COL8A1: variants seen among roughly 807,000 people sequenced by gnomAD.
COL8A1 encodes the protein collagen alpha-1(VIII) chain.
A neutral mutation model predicts 42.7 loss-of-function variants in COL8A1; 21 were observed. That is an observed-to-expected ratio of 0.49 (90% CI 0.35 to 0.71). The LOEUF (loss-of-function observed/expected upper bound fraction) is 0.71, where lower values mean the gene tolerates loss of function less well. COL8A1 is among the 30% of genes least tolerant of loss of function. The pLI is 0.01. For synonymous variants in COL8A1, 367 were observed against 369.1 expected, an observed-to-expected ratio of 0.99 and a Z score of 0.06; for missense variants, 788 against 962.4, an observed-to-expected ratio of 0.82 and a Z score of 2.40.
At position 99,665,848 on chromosome 3, in the gene COL8A1, A is replaced by AT. The variant is rs537279334; in HGVS notation, c.-129+27202dup. Among the ~76,000 whole-genome samples the AT allele has an allele frequency of 9.1e-3, 1,225 of 134,276 alleles. 8 individuals are homozygous for AT. Among genetic ancestry groups the AT allele is most frequent in the Middle Eastern group, 0.019 (5 of 260 alleles). 88.1% of individuals were successfully genotyped at this position (134,276 alleles called of 152,430 possible). ...AGGTGCCCGCTGCCACACTTAGCTA[A>AT]TTTTTTTTTTTTTTTTTTACTTAGT... On this transcript the variant is annotated intron_variant, in intron 1 of 3. Transcript: ENST00000652472.
intron 1 of COL8A1, among the ~76,000 whole-genome samples, chr3:99,688,686 ACTT>A (rs1241104720): frequency 6.6e-6 from 1 of 152,166 alleles, no homozygotes; most frequent in Non-Finnish European, 1.5e-5. Flanking sequence ...TATTATTATT[ACTT>A]CATCTCTGAA....
intron 1 of COL8A1, among the ~76,000 whole-genome samples, chr3:99,653,354 G>A (rs978461590): frequency 6.6e-6 from 1 of 152,058 alleles, no homozygotes; most frequent in Non-Finnish European, 1.5e-5. Context: ...CTATTTATGG[G>A]CTGATTGACA....
At chr3:99,654,497 G>T (rs1350016043) in intron 1 of COL8A1, among the ~76,000 whole-genome samples, 1 of 152,160 alleles carries the variant, frequency 6.6e-6, no homozygotes, top group Non-Finnish European at 1.5e-5. Context: ...GCTCTAAGAA[G>T]CCCAATGTGT....
At chr3:99,774,824 A>C (rs2107441836) in intron 2 of COL8A1, among the ~76,000 whole-genome samples, 1 of 151,838 alleles carries the variant, frequency 6.6e-6, no homozygotes, top group African/African-American at 2.4e-5. Context: ...GCACTTGCTA[A>C]GTACTAAAAA....
At chr3:99,658,156 C>T (rs1316369329) in intron 1 of COL8A1, among the ~76,000 whole-genome samples, 1 of 151,100 alleles carries the variant, frequency 6.6e-6, no homozygotes, top group Non-Finnish European at 1.5e-5. Context: ...CTTTCAAAGA[C>T]ATTTCATAGC....
intron 1 of COL8A1, among the ~76,000 whole-genome samples, chr3:99,684,268 T>C (rs1938981208): frequency 6.6e-6 from 1 of 152,204 alleles, no homozygotes; most frequent in African/African-American, 2.4e-5. Flanking sequence ...ATTTTATATA[T>C]ATTCTCTATA....
intron 1 of COL8A1, among the ~76,000 whole-genome samples, chr3:99,677,005 C>A (rs576603648): frequency 9.1e-4 from 138 of 151,544 alleles, no homozygotes; most frequent in African/African-American, 3.2e-3. Flanking sequence ...ATCACTTAAG[C>A]CCAAGAGTTT....
intron 1 of COL8A1, among the ~76,000 whole-genome samples, chr3:99,740,316 C>A (rs1940863362): frequency 1.3e-5 from 2 of 152,190 alleles, no homozygotes; most frequent in South Asian, 4.1e-4. Context: ...CATAGCAGCA[C>A]CCCAGTACCA....
chr3:99,688,738 A>G (rs1939135139), intron 1 of COL8A1, among the ~76,000 whole-genome samples: 1 of 152,128 alleles, frequency 6.6e-6, no homozygotes, highest in South Asian at 2.1e-4. Context: ...ATTTTGTTCA[A>G]ATATGCCCAG....
intron 2 of COL8A1, among the ~76,000 whole-genome samples, chr3:99,767,643 G>A (rs1941489045): frequency 1.3e-5 from 2 of 152,188 alleles, no homozygotes; most frequent in African/African-American, 4.8e-5. Flanking sequence ...TAGGATGAAT[G>A]TTTTGCCGCA....
In COL8A1 at chr3:99,665,725, G is replaced by A. The variant is rs780946516; in HGVS notation, c.-129+27061G>A. ...AGACACAGTTTCACTCTTTTTGCCCGGGCTGGAGGGCAATGGCACAATCTC... is the reference window on the plus strand; with the variant it reads ...AGACACAGTTTCACTCTTTTTGCCCAGGCTGGAGGGCAATGGCACAATCTC... On this transcript the variant is annotated intron_variant, in intron 1 of 3. Coordinates refer to ENST00000652472, the MANE Select transcript of COL8A1 (RefSeq NM_020351.4). 2.7e-4 allele frequency among the ~76,000 whole-genome samples: 37 copies of A among 135,744 alleles called. 1 individual carries two copies. Among genetic ancestry groups the A allele is most frequent in the East Asian group, 8.6e-4 (4 of 4,632 alleles). The allele number at this position is 135,744 out of a possible 152,430, so 89.1% of individuals were successfully genotyped here. A position where few individuals can be genotyped will look rare whatever the true frequency, so the allele number is the denominator to read the frequency against.
chr3:99,678,972 T>C (rs1938784410), intron 1 of COL8A1: 1 of 152,208 alleles, frequency 6.6e-6, no homozygotes, highest in African/African-American at 2.4e-5. Context: ...CACAGATGAT[T>C]ATCCGTATAA....
In COL8A1 at chr3:99,796,233, C is replaced by T. The variant is rs1942106573; in HGVS notation, c.*97C>T. ...TGAAAAACATAATTGCTTCAAAACA[C>T]TTACACAGTTGGAAAGTTATATGTA... On this transcript the variant is annotated 3_prime_UTR_variant, in exon 4 of 4. Transcript: ENST00000652472. 9.6e-7 allele frequency: 1 copy of T among 1,037,250 alleles called. No homozygotes were observed. The highest frequency in any genetic ancestry group is 1.6e-5 in the African/African-American group (1 of 62,368). 64.3% of individuals were successfully genotyped at this position (1,037,250 alleles called of 1,614,324 possible). A position where few individuals can be genotyped will look rare whatever the true frequency, so the allele number is the denominator to read the frequency against.
intron 1 of COL8A1, among the ~76,000 whole-genome samples, chr3:99,653,715 C>A (rs1009704517): frequency 1.1e-4 from 16 of 150,530 alleles, no homozygotes; most frequent in African/African-American, 3.7e-4. Context: ...CTACAACACT[C>A]TCCTTGAGGC....
chr3:99,774,403 G>C (rs182679636), intron 2 of COL8A1, among the ~76,000 whole-genome samples: 33 of 152,082 alleles, frequency 2.2e-4, no homozygotes, highest in African/African-American at 7.7e-4. Context: ...TCATTCAAAA[G>C]CTATTTATGT....
intron 1 of COL8A1, among the ~76,000 whole-genome samples, chr3:99,681,571 A>G (rs1938883835): frequency 6.6e-6 from 1 of 152,212 alleles, no homozygotes; most frequent in Non-Finnish European, 1.5e-5. Flanking sequence ...GTGGCTTAAT[A>G]AAAGTCATCA....
intron 1 of COL8A1, among the ~76,000 whole-genome samples, chr3:99,657,143 A>G (rs1224688268): frequency 2.0e-5 from 3 of 152,220 alleles, no homozygotes; most frequent in African/African-American, 7.2e-5. Flanking sequence ...GAAAAGATCT[A>G]TATGCTTCAG....
chr3:99,661,764 A>G (rs1460031788), intron 1 of COL8A1, among the ~76,000 whole-genome samples: 1 of 152,184 alleles, frequency 6.6e-6, no homozygotes, highest in East Asian at 1.9e-4. Context: ...TGTGGCATAT[A>G]TATTGTATTA....
chr3:99,774,146 G>A (rs1011122823), intron 2 of COL8A1, among the ~76,000 whole-genome samples: 79 of 151,026 alleles, frequency 5.2e-4, no homozygotes, highest in African/African-American at 1.6e-3. Flanking sequence ...CGCCCAACCC[G>A]ATAGACATAT....
Sources: gnomAD v4.1 joint callset for allele counts (sites outside exome capture counted in the v4.1 genomes callset) on GRCh38, gnomAD v4.1.1 for gene constraint, MANE v1.5 for transcripts, NCBI Gene and HGNC (gene_info 2026-07-23, HGNC 2026-07-21) for gene names.